Variants in CAPN9 observed in about 807,000 individuals in gnomAD.
CAPN9 encodes the protein calpain 9.
Under a neutral mutation model 92.8 loss-of-function variants are expected in CAPN9, and 81 were observed. The observed-to-expected ratio is 0.87, with a 90% confidence interval of 0.73 to 1.05. The LOEUF (loss-of-function observed/expected upper bound fraction) is 1.05. Ranked by LOEUF, CAPN9 falls within the 50% of genes least tolerant of loss-of-function variation. CAPN9 has a pLI of 0.00. For synonymous variants in CAPN9, 304 were observed against 328.0 expected, an observed-to-expected ratio of 0.93 and a Z score of 0.79; for missense variants, 848 against 866.2, an observed-to-expected ratio of 0.98 and a Z score of 0.26.
chr1:230,796,815 G>A (rs142614084), intron 18 of CAPN9, among the ~76,000 whole-genome samples: 3 of 152,130 alleles, frequency 2.0e-5, no homozygotes, highest in Admixed American at 6.5e-5. Flanking sequence ...TTCCCAGAAC[G>A]GGGGGTGGGA....
At chr1:230,754,394 T>C (rs1162037605) in intron 1 of CAPN9, among the ~76,000 whole-genome samples, 2 of 118,168 alleles carry the variant, frequency 1.7e-5, no homozygotes, top group Non-Finnish European at 3.7e-5. Flanking sequence ...TATGTGCTTA[T>C]GTGTAATATA....
chr1:230,786,973 G>A (rs577228437), intron 12 of CAPN9, among the ~76,000 whole-genome samples: 26 of 152,224 alleles, frequency 1.7e-4, no homozygotes, highest in African/African-American at 5.8e-4. Flanking sequence ...ACACGTCCAG[G>A]GACAGCAGAG....
intron 1 of CAPN9, among the ~76,000 whole-genome samples, chr1:230,751,433 A>G (rs1211301039): frequency 6.6e-6 from 1 of 151,534 alleles, no homozygotes; most frequent in African/African-American, 2.4e-5. Context: ...AAAGAAAGAG[A>G]AAAAGAGAGA....
intron 7 of CAPN9, 36 bp downstream of exon 7, chr1:230,772,135 C>A: frequency 6.4e-7 from 1 of 1,569,966 alleles, no homozygotes; most frequent in Non-Finnish European, 8.8e-7. Context: ...GGCTGGTTCC[C>A]GGGGCGTGTG....
rs910669702 is a variant in CAPN9, at chr1:230,771,846, G to A, written c.790-168G>A. Among the ~76,000 whole-genome samples, 6 of 152,362 alleles carry A rather than the reference G, an allele frequency of 3.9e-5. No individual in the cohort carries two copies. In the East Asian group the frequency reaches 1.2e-3, roughly 29 times the overall value. ...TAGGAATTAGAAGGTTCCAAGGGCT[G>A]GTTAAGAACTGGCGAACTTCTACAT... On this transcript the variant is annotated intron_variant, in intron 6 of 19. Coordinates refer to ENST00000271971, the MANE Select transcript of CAPN9 (RefSeq NM_006615.3).
intron 10 of CAPN9, 35 bp downstream of exon 10, chr1:230,780,371 CATCT>C (rs781513557): frequency 6.2e-7 from 1 of 1,607,750 alleles, no homozygotes; most frequent in Non-Finnish European, 8.5e-7. Flanking sequence ...CAGAGTTCTC[CATCT>C]GAGTTCTAAA....
intron 18 of CAPN9, among the ~76,000 whole-genome samples, chr1:230,797,622 TGAA>T (rs1668437881): frequency 6.6e-6 from 1 of 152,174 alleles, no homozygotes; most frequent in Non-Finnish European, 1.5e-5. Flanking sequence ...CCTCGTCTTC[TGAA>T]GGTGAGGAGG....
chr1:230,762,837 A>G (rs767119952), intron 4 of CAPN9, 51 bp downstream of exon 4: 5 of 1,583,218 alleles, frequency 3.2e-6, no homozygotes, highest in African/African-American at 2.7e-5. Flanking sequence ...GAGTCTCTAC[A>G]CTAGTCTTTG....
chr1:230,759,550 C>CT lies in CAPN9; in HGVS notation c.324dup (p.Asn109Ter), dbSNP rs768136270. 5 of 1,611,802 alleles carry CT rather than the reference C, an allele frequency of 3.1e-6. No homozygotes were observed. Among genetic ancestry groups the CT allele is most frequent in the Non-Finnish European group, 4.2e-6 (5 of 1,179,262 alleles). On this transcript the variant is annotated frameshift_variant, in exon 3 of 20. Transcript: ENST00000271971. LOFTEE classifies it high-confidence loss of function. ...ATTAGCCGCCATCGCCTCCCTTACG[C>CT]TTAATCAAAAAGCACTGGCCAGAGT...
At chr1:230,767,325 C>T (rs878921037) in intron 4 of CAPN9, among the ~76,000 whole-genome samples, 1 of 152,184 alleles carries the variant, frequency 6.6e-6, no homozygotes, top group Admixed American at 6.5e-5. Flanking sequence ...ACCACCACAC[C>T]ACACTGCCTC....
chr1:230,780,682 CT>C lies in CAPN9; in HGVS notation c.1459del (p.Ser487GlnfsTer14), dbSNP rs745783945. ...AGGAAGCTGATTTCTGTCTGAGAAT[CT>C]TTTCAGAGAAAAAAGCCATTACCCG... ...HQEADFCLRI[F>X]SEKKAITRDM... is the part of the protein sequence containing the mutation. On this transcript the variant is annotated frameshift_variant, in exon 11 of 20. Coordinates refer to ENST00000271971, the MANE Select transcript of CAPN9 (RefSeq NM_006615.3). LOFTEE classifies it high-confidence loss of function. The C allele has an allele frequency of 6.2e-7, 1 of 1,614,064 alleles. No homozygotes were observed. Among genetic ancestry groups the C allele is most frequent in the Non-Finnish European group, 8.5e-7 (1 of 1,179,988 alleles).
At chr1:230,751,624 A>G (rs1377413177) in intron 1 of CAPN9, among the ~76,000 whole-genome samples, 1 of 70,930 alleles carries the variant, frequency 1.4e-5, no homozygotes. Context: ...AGAAAGAAAG[A>G]AAGAAAGAAA....
In CAPN9 at chr1:230,796,311, G is replaced by A. The variant is rs916422142; in HGVS notation, c.1987+1032G>A. Among the ~76,000 whole-genome samples, 2 of 149,958 alleles carry A rather than the reference G, an allele frequency of 1.3e-5. 1 individual carries two copies. Among genetic ancestry groups the A allele is most frequent in the African/African-American group, 4.9e-5 (2 of 40,738 alleles). On this transcript the variant is annotated intron_variant, in intron 18 of 19. Transcript: ENST00000271971. Reference sequence around the variant, plus strand: ...TGCACTCCAGCCTGGGCAACAGTGGGAGACTCCATCTCAAAAATATAAATA... The same window carrying A: ...TGCACTCCAGCCTGGGCAACAGTGGAAGACTCCATCTCAAAAATATAAATA...
Position 230,787,553 on chromosome 1 carries a change from CAG to C in CAPN9, c.1553_1554del (p.Glu518GlyfsTer10), listed in dbSNP as rs1329011083. 3 of 1,614,096 alleles carry C rather than the reference CAG, an allele frequency of 1.9e-6. No individual in the cohort carries two copies. Among genetic ancestry groups the C allele is most frequent in the South Asian group, 2.2e-5 (2 of 91,070 alleles). ...AAGCCAACTCCACCTGACCAGGAGA[CAG>C]AGGAGGAGCAGCGGTTTCGGGCTCT... is the stretch of plus-strand genomic sequence containing the variant. On this transcript the variant is annotated frameshift_variant, in exon 13 of 20. Transcript: ENST00000271971. LOFTEE classifies it high-confidence loss of function.
In CAPN9 at chr1:230,785,979, A is replaced by G. The variant is rs1043576242; in HGVS notation, c.1482-2A>G. On this transcript the variant is annotated splice_acceptor_variant, in intron 11 of 19. Coordinates refer to ENST00000271971, the MANE Select transcript of CAPN9 (RefSeq NM_006615.3). LOFTEE classifies it high-confidence loss of function. ...AGGCAGTGTGTTTTTCTGCCCCTAC[A>G]GGGATATGGATGGAAATGTAGACAT... The G allele has an allele frequency of 6.2e-7, 1 of 1,613,744 alleles. No individual in the cohort carries two copies. The highest frequency in any genetic ancestry group is 8.5e-7 in the Non-Finnish European group (1 of 1,179,752).
chr1:230,795,220 A>G lies in CAPN9; in HGVS notation c.1928A>G (p.Glu643Gly). The G allele has an allele frequency of 6.2e-7, 1 of 1,613,648 alleles. No individual in the cohort carries two copies. The highest frequency in any genetic ancestry group is 8.5e-7 in the Non-Finnish European group (1 of 1,179,836). The change falls in exon 18 of 20, where the codon GAG becomes GGG. Residue 643 changes from glutamate (E) to glycine (G), a missense_variant. Physicochemically the swap from Glu to Gly is moderately conservative, Grantham distance 98. Transcript: ENST00000271971. The stretch of plus-strand genomic sequence containing the variant: ...ATTGTGCTCAGGTATGCGGATGAGG[A>G]GCTCCAGCTGGACTTCGATGACTTC... The part of the protein sequence containing the change: ...QLIVLRYADE[E>G]LQLDFDDFLN...
intron 11 of CAPN9, 143 bp downstream of exon 11, chr1:230,780,851 T>C (rs927456408): frequency 1.3e-5 from 7 of 533,972 alleles, no homozygotes; most frequent in Admixed American, 3.6e-5. Flanking sequence ...GGTTTCTTTC[T>C]TTTCTTTTAT....
intron 5 of CAPN9, 145 bp downstream of exon 5, chr1:230,767,854 T>A: frequency 7.2e-5 from 45 of 622,834 alleles, no homozygotes; most frequent in Middle Eastern, 9.5e-4. Context: ...TCCTGCTAAT[T>A]AAAACACAAG....
At chr1:230,780,098 G>GTGTA (rs1185865830) in intron 9 of CAPN9, 81 bp from the exon 10 acceptor site, 3 of 880,800 alleles carry the variant, frequency 3.4e-6, no homozygotes, top group African/African-American at 3.3e-5. Context: ...GTGTGTGTGT[G>GTGTA]TGTGTGTGTG....
Sources: gnomAD v4.1 joint callset for allele counts (sites outside exome capture counted in the v4.1 genomes callset) on GRCh38, gnomAD v4.1.1 for gene constraint, MANE v1.5 for transcripts, NCBI Gene and HGNC (gene_info 2026-07-23, HGNC 2026-07-21) for gene names.